Variants in PCDHA2 observed in about 807,000 individuals in gnomAD.
The protein encoded by PCDHA2 is protocadherin alpha 2.
In PCDHA2, 58 loss-of-function variants were observed where a neutral mutation model predicts 66.0. The ratio of observed to expected loss-of-function variants is 0.88; its 90% CI spans 0.71 to 1.09. PCDHA2 has a LOEUF of 1.09. PCDHA2 is among the 50% of genes least tolerant of loss of function. PCDHA2 has a pLI of 0.00. For synonymous variants in PCDHA2, 634 were observed against 554.0 expected (o/e 1.14, Z -2.03); for missense variants, 1,267 against 1,242.3 (o/e 1.02, Z -0.30).
At chr5:140,931,547 T>C (rs2087587732) in intron 1 of PCDHA2, among the ~76,000 whole-genome samples, 1 of 152,064 alleles carries the variant, frequency 6.6e-6, no homozygotes, top group Admixed American at 6.5e-5. Flanking sequence ...ACTGTTCATA[T>C]GTGCAGGAAT....
intron 1 of PCDHA2, chr5:140,967,098 G>C: frequency 6.2e-7 from 1 of 1,613,130 alleles, no homozygotes; most frequent in Non-Finnish European, 8.5e-7. Flanking sequence ...GAGGCGCTGT[G>C]TGAGCAGCGG....
chr5:140,852,896 TG>T (rs2042516637), intron 1 of PCDHA2: 1 of 852,490 alleles, frequency 1.2e-6, no homozygotes, highest in Non-Finnish European at 1.4e-6. Context: ...TTTTTTTTTT[TG>T]AGTCAGAGTC....
intron 1 of PCDHA2, chr5:140,852,739 A>G: frequency 2.0e-6 from 2 of 984,418 alleles, no homozygotes. Flanking sequence ...TTCATGTGCC[A>G]TTTAAACTTG....
intron 1 of PCDHA2, chr5:140,853,345 C>G: frequency 4.1e-6 from 4 of 982,282 alleles, no homozygotes; most frequent in Middle Eastern, 5.3e-4. Flanking sequence ...CATTAGCAAA[C>G]ATGAACTCAC....
intron 1 of PCDHA2, among the ~76,000 whole-genome samples, chr5:140,977,958 C>T (rs1912706): frequency 0.036 from 5,518 of 152,194 alleles, 299 homozygotes; most frequent in African/African-American, 0.12. Context: ...AGGGCCACCT[C>T]AATCTCCGCC....
intron 1 of PCDHA2, among the ~76,000 whole-genome samples, chr5:140,910,952 G>A (rs1188072199): frequency 3.3e-5 from 5 of 152,082 alleles, no homozygotes; most frequent in African/African-American, 1.2e-4. Context: ...TTCTTTTCGA[G>A]TGTAGCACAC....
intron 1 of PCDHA2, among the ~76,000 whole-genome samples, chr5:140,894,986 A>G (rs1380930076): frequency 6.6e-6 from 1 of 152,194 alleles, no homozygotes; most frequent in Non-Finnish European, 1.5e-5. Flanking sequence ...ACTTTGTGAC[A>G]TCCTTTACCC....
chr5:140,888,941 TAA>T (rs1361014830), intron 1 of PCDHA2, among the ~76,000 whole-genome samples: 2 of 152,086 alleles, frequency 1.3e-5, no homozygotes, highest in Non-Finnish European at 1.5e-5. Flanking sequence ...GAGGGAGGTA[TAA>T]ATTTTTTCTT....
chr5:140,886,043 T>C (rs977275136), intron 1 of PCDHA2, among the ~76,000 whole-genome samples: 3 of 152,168 alleles, frequency 2.0e-5, no homozygotes, highest in Admixed American at 6.5e-5. Context: ...TTTTCCCCAA[T>C]AGTAACATCT....
rs75087916 is a variant in PCDHA2, at chr5:140,963,063, T to G, written c.2389-15886T>G. Among the ~76,000 whole-genome samples, 783 of 152,260 alleles carry G rather than the reference T, an allele frequency of 5.1e-3. 9 individuals carry two copies. Among genetic ancestry groups the G allele is most frequent in the African/African-American group, 0.018 (742 of 41,556 alleles). ...AGAGTCTATAAGGGTTTCTACATTGTGAAGGAGACAGAAATATAAGACATG... is the reference window on the plus strand; with the variant it reads ...AGAGTCTATAAGGGTTTCTACATTGGGAAGGAGACAGAAATATAAGACATG... On this transcript the variant is annotated intron_variant, in intron 1 of 3. Transcript: ENST00000526136.
rs2150483101 is a variant in PCDHA2, at chr5:140,850,412, A to T, written c.2388+53060A>T. 3.6e-5 allele frequency: 57 copies of T among 1,597,620 alleles called. No homozygotes were observed. The South Asian group carries it at 6.3e-4, about 18-fold the overall frequency. On this transcript the variant is annotated intron_variant, in intron 1 of 3. Transcript: ENST00000526136. ...TCAGCACAACGCGTGCCCTGGACGA[A>T]ACGGACGCACCGCGCCAGCGCCTAC...
Position 140,939,111 on chromosome 5 carries a change from T to G in PCDHA2, c.2389-39838T>G, listed in dbSNP as rs141486595. Reference sequence around the variant, plus strand: ...CTTAAAAACAATAGAAATTTATTTTTCACAATTCTGGAAGCTGGAAAGTTG... The same window carrying G: ...CTTAAAAACAATAGAAATTTATTTTGCACAATTCTGGAAGCTGGAAAGTTG... On this transcript the variant is annotated intron_variant, in intron 1 of 3. Coordinates refer to ENST00000526136, the MANE Select transcript of PCDHA2 (RefSeq NM_018905.3). Among the ~76,000 whole-genome samples, 62 of 152,324 alleles carry G rather than the reference T, an allele frequency of 4.1e-4. No homozygotes were observed. The East Asian group carries it at 0.01, about 25-fold the overall frequency.
At chr5:140,951,737 C>T (rs1223539805) in intron 1 of PCDHA2, among the ~76,000 whole-genome samples, 1 of 152,130 alleles carries the variant, frequency 6.6e-6, no homozygotes, top group Non-Finnish European at 1.5e-5. Context: ...CATTCTGCCA[C>T]TGCCCTCACC....
At chr5:140,925,124 A>AGGAAGGAAGGAAGG (rs1554202565) in intron 1 of PCDHA2, among the ~76,000 whole-genome samples, 2 of 151,856 alleles carry the variant, frequency 1.3e-5, no homozygotes, top group African/African-American at 2.4e-5. Context: ...GAAGGAAGGA[A>AGGAAGGAAGGAAGG]AAAAAATTTC....
intron 1 of PCDHA2, chr5:140,875,761 G>A (rs373515339): frequency 1.9e-6 from 3 of 1,614,236 alleles, no homozygotes; most frequent in East Asian, 2.2e-5. Flanking sequence ...GAAGCTGTGC[G>A]GGCGGAGCGC....
At chr5:140,836,668 A>T in intron 1 of PCDHA2, 1 of 1,613,338 alleles carries the variant, frequency 6.2e-7, no homozygotes, top group Non-Finnish European at 8.5e-7. Context: ...TGCTCTGGGG[A>T]GGGCCCACCC....
rs2150132538 is a variant in PCDHA2, at chr5:140,824,142, A to G, written c.2388+26790A>G. 3 of 1,611,752 alleles carry G rather than the reference A, an allele frequency of 1.9e-6. No homozygotes were observed. The African/African-American group carries it at 4.0e-5, about 22-fold the overall frequency. ...CTACAGACAACGTGAGTTTTCTAAT[A>G]TTAACATCCATCTTTCCCTCCCAAT... On this transcript the variant is annotated intron_variant, in intron 1 of 3. Transcript: ENST00000526136.
chr5:140,872,560 A>G (rs944323027), intron 1 of PCDHA2, among the ~76,000 whole-genome samples: 1 of 152,156 alleles, frequency 6.6e-6, no homozygotes, highest in African/African-American at 2.4e-5. Context: ...CCAGGGGTTC[A>G]GGGCTGCAGT....
intron 1 of PCDHA2, among the ~76,000 whole-genome samples, chr5:140,934,420 C>T (rs559621314): frequency 1.1e-4 from 16 of 152,184 alleles, no homozygotes; most frequent in Non-Finnish European, 1.8e-4. Flanking sequence ...TTTGCATTAT[C>T]AATGCAAGTG....
Sources: gnomAD v4.1 joint callset for allele counts (sites outside exome capture counted in the v4.1 genomes callset) on GRCh38, gnomAD v4.1.1 for gene constraint, MANE v1.5 for transcripts, NCBI Gene and HGNC (gene_info 2026-07-23, HGNC 2026-07-21) for gene names.